CDYL2: variants seen among roughly 807,000 people sequenced by gnomAD.
CDYL2 encodes chromodomain Y like 2, also known as chromodomain Y-like protein 2.
A neutral mutation model predicts 49.4 loss-of-function variants in CDYL2; 23 were observed. That is an observed-to-expected ratio of 0.47 (90% confidence interval 0.34 to 0.66). The LOEUF is 0.66. Among genes scored for constraint, CDYL2 ranks in the 30% least tolerant of loss-of-function variants. CDYL2 has a pLI of 0.01. For missense variants in CDYL2, 678 were observed against 656.4 expected, an observed-to-expected ratio of 1.03 and a Z score of -0.36; for synonymous variants, 360 against 268.8, an observed-to-expected ratio of 1.34 and a Z score of -3.32.
At position 80,685,134 on chromosome 16, in the gene CDYL2, G is replaced by A. The variant is rs753614052; in HGVS notation, c.25-5C>T. ...CTTGTCTACAATCCTTTCAACCTGC[G>A]ATACAAGATGAGAGGGTCAGAAAAC... On this transcript the variant is annotated splice_polypyrimidine_tract_variant and splice_region_variant and intron_variant, in intron 1 of 6. Coordinates refer to ENST00000570137, the MANE Select transcript of CDYL2 (RefSeq NM_152342.4). 38 of 1,595,466 alleles carry A rather than the reference G, an allele frequency of 2.4e-5. No individual in the cohort carries two copies. Among genetic ancestry groups the A allele is most frequent in the Admixed American group, 3.4e-5 (2 of 59,226 alleles).
intron 1 of CDYL2, among the ~76,000 whole-genome samples, chr16:80,781,959 C>G (rs1269365750): frequency 6.6e-6 from 1 of 151,480 alleles, no homozygotes; most frequent in Non-Finnish European, 1.5e-5. Flanking sequence ...AAAAAAAAGA[C>G]ATCAATAACC....
Position 80,603,915 on chromosome 16 carries a change from A to AG in CDYL2, c.*472_*473insC. 1 of 161,336 alleles carries AG rather than the reference A, an allele frequency of 6.2e-6. No individual in the cohort carries two copies. Among genetic ancestry groups the AG allele is most frequent in the Admixed American group, 5.9e-5 (1 of 16,872 alleles). 10.0% of individuals were successfully genotyped at this position (161,336 alleles called of 1,614,324 possible). A position where few individuals can be genotyped will look rare whatever the true frequency, so the allele number is the denominator to read the frequency against. On this transcript the variant is annotated 3_prime_UTR_variant, in exon 7 of 7. Transcript: ENST00000570137. ...AAGGAGACTGAGGCCAGGTGTGCAC[A>AG]ATCATTTTGCTCATTGGTCTGGAAA...
intron 1 of CDYL2, among the ~76,000 whole-genome samples, chr16:80,729,914 A>T (rs2142537565): frequency 6.6e-6 from 1 of 152,344 alleles, no homozygotes; most frequent in African/African-American, 2.4e-5. Context: ...GAGAACAAAG[A>T]CACAACATAC....
chr16:80,758,667 C>G (rs564049416), intron 1 of CDYL2, among the ~76,000 whole-genome samples: 1 of 151,628 alleles, frequency 6.6e-6, no homozygotes, highest in Non-Finnish European at 1.5e-5. Flanking sequence ...CTCAGCCTCC[C>G]GAGTAGCTGG....
At chr16:80,759,983 G>A (rs1275721072) in intron 1 of CDYL2, among the ~76,000 whole-genome samples, 3 of 152,188 alleles carry the variant, frequency 2.0e-5, no homozygotes, top group African/African-American at 7.2e-5. Context: ...ATTAACTGTA[G>A]AGGCATAAAA....
chr16:80,612,247 G>C lies in CDYL2; in HGVS notation c.1218+379C>G, dbSNP rs956306229. Among the ~76,000 whole-genome samples the C allele has an allele frequency of 1.3e-5, 2 of 152,158 alleles. No individual in the cohort carries two copies. The highest frequency in any genetic ancestry group is 2.9e-5 in the Non-Finnish European group (2 of 68,028). On this transcript the variant is annotated intron_variant, in intron 5 of 6. Coordinates refer to ENST00000570137, the MANE Select transcript of CDYL2 (RefSeq NM_152342.4). The surrounding 1 kb of genome is among the most constrained non-coding windows in gnomAD (Gnocchi z 5.0). ...CATTTACTGGACGGGAGACACCTGG[G>C]TCCCCAGAGAGTGTGGGTGGCCCCT...
chr16:80,687,569 G>A (rs1910248660), intron 1 of CDYL2, among the ~76,000 whole-genome samples: 1 of 152,122 alleles, frequency 6.6e-6, no homozygotes, highest in African/African-American at 2.4e-5. Context: ...TGGCTGGCTG[G>A]CTGGATGGAT....
At chr16:80,736,379 A>AT (rs1905530130) in intron 1 of CDYL2, 2 of 152,266 alleles carry the variant, frequency 1.3e-5, no homozygotes, top group Non-Finnish European at 2.9e-5. Context: ...AGCATTCAAC[A>AT]GACTAAGCAC....
intron 1 of CDYL2, among the ~76,000 whole-genome samples, chr16:80,725,737 AG>A (rs1255342533): frequency 6.6e-6 from 1 of 152,226 alleles, no homozygotes; most frequent in Non-Finnish European, 1.5e-5. Flanking sequence ...TGCTCCTGAA[AG>A]CCAGCCAACC....
At chr16:80,637,949 G>C (rs984747383) in intron 2 of CDYL2, among the ~76,000 whole-genome samples, 1 of 152,116 alleles carries the variant, frequency 6.6e-6, no homozygotes, top group Non-Finnish European at 1.5e-5. Context: ...TCCAAAACAG[G>C]AAATACGTAG....
rs867036292 is a variant in CDYL2 at position 80,746,785 on chromosome 16, T to G, written c.24+57365A>C. Among the ~76,000 whole-genome samples, 5 of 152,282 alleles carry G rather than the reference T, an allele frequency of 3.3e-5. 1 individual carries two copies. In the South Asian group the frequency reaches 1.0e-3, roughly 32 times the overall value. ...ATGGCACAACATAGAGACCACTCAC[T>G]AGGACACTGTGCTTTTATCATAACC... On this transcript the variant is annotated intron_variant, in intron 1 of 6. Transcript: ENST00000570137.
intron 1 of CDYL2, among the ~76,000 whole-genome samples, chr16:80,699,493 T>A (rs1301804415): frequency 6.6e-6 from 1 of 150,670 alleles, no homozygotes; most frequent in African/African-American, 2.4e-5. Context: ...AGTAGAACAG[T>A]AGTTACTAGA....
In CDYL2 at chr16:80,603,934, CTG is replaced by C; in HGVS notation, c.*452_*453del. On this transcript the variant is annotated 3_prime_UTR_variant, in exon 7 of 7. Coordinates refer to ENST00000570137, the MANE Select transcript of CDYL2 (RefSeq NM_152342.4). ...GTGCACAATCATTTTGCTCATTGGT[CTG>C]GAAATTCCCTAAGATTGGTCGTCCT... 1 of 164,028 alleles carries C rather than the reference CTG, an allele frequency of 6.1e-6. No homozygotes were observed. Among genetic ancestry groups the C allele is most frequent in the Admixed American group, 5.8e-5 (1 of 17,194 alleles). 10.2% of individuals were successfully genotyped at this position (164,028 alleles called of 1,614,324 possible).
At chr16:80,644,408 C>A (rs1908241497) in intron 2 of CDYL2, among the ~76,000 whole-genome samples, 1 of 152,206 alleles carries the variant, frequency 6.6e-6, no homozygotes, top group Non-Finnish European at 1.5e-5. Flanking sequence ...TGCCTGTTAC[C>A]CAGTTCCAAA....
At chr16:80,746,525 T>A (rs1055670018) in intron 1 of CDYL2, among the ~76,000 whole-genome samples, 12 of 152,170 alleles carry the variant, frequency 7.9e-5, no homozygotes, top group Non-Finnish European at 1.5e-4. Context: ...CTGTTCTAAA[T>A]CAGTACTGAA....
intron 1 of CDYL2, among the ~76,000 whole-genome samples, chr16:80,704,358 A>G (rs1904332983): frequency 2.6e-5 from 4 of 152,240 alleles, no homozygotes; most frequent in Non-Finnish European, 5.9e-5. Context: ...GAACTTGATC[A>G]TCATTCAACA....
intron 1 of CDYL2, among the ~76,000 whole-genome samples, chr16:80,714,633 C>A (rs74028400): frequency 0.032 from 4,802 of 152,224 alleles, 249 homozygotes; most frequent in African/African-American, 0.11. Flanking sequence ...AAGCCAATGA[C>A]CCTATCCCCG....
At chr16:80,689,366 C>A (rs1356781382) in intron 1 of CDYL2, among the ~76,000 whole-genome samples, 2 of 152,164 alleles carry the variant, frequency 1.3e-5, no homozygotes, top group South Asian at 2.1e-4. Flanking sequence ...ATGCATAGTT[C>A]CAGGAACTGT....
At chr16:80,652,936 T>C (rs1282363684) in intron 2 of CDYL2, among the ~76,000 whole-genome samples, 1 of 152,146 alleles carries the variant, frequency 6.6e-6, no homozygotes, top group Non-Finnish European at 1.5e-5. Context: ...GGAGGCATGA[T>C]TAAACATAAT....
Sources: gnomAD v4.1 joint callset for allele counts (sites outside exome capture counted in the v4.1 genomes callset) on GRCh38, gnomAD v4.1.1 for gene constraint, Gnocchi (gnomAD v3.1) non-coding constraint, MANE v1.5 for transcripts, NCBI Gene and HGNC (gene_info 2026-07-23, HGNC 2026-07-21) for gene names.